Variants in SMO observed in about 807,000 individuals in gnomAD.
The protein encoded by SMO is protein smoothened.
In SMO, 40 loss-of-function variants were observed where a neutral mutation model predicts 81.6. The observed-to-expected ratio is 0.49, with a 90% CI of 0.38 to 0.64. The LOEUF (loss-of-function observed/expected upper bound fraction) is 0.64, where lower values mean the gene tolerates loss of function less well. SMO is among the 30% of genes least tolerant of loss of function. The pLI, the probability that SMO is intolerant of heterozygous loss-of-function variation, is 0.00. For synonymous variants in SMO, 434 were observed against 432.1 expected, an observed-to-expected ratio of 1.00 and a Z score of -0.05; for missense variants, 916 against 1,061.1, an observed-to-expected ratio of 0.86 and a Z score of 1.90.
intron 1 of SMO, among the ~76,000 whole-genome samples, chr7:129,196,001 T>G (rs1053338380): frequency 2.7e-5 from 4 of 149,102 alleles, no homozygotes; most frequent in African/African-American, 1.0e-4. Flanking sequence ...CTCGGGAGGC[T>G]GAGGCAGGAA....
Position 129,210,946 on chromosome 7 carries a change from C to G in SMO, c.1653-19C>G, listed in dbSNP as rs1274434459. On this transcript the variant is annotated intron_variant, in intron 9 of 11. Coordinates refer to ENST00000249373, the MANE Select transcript of SMO (RefSeq NM_005631.5). The surrounding 1 kb of genome is among the most constrained non-coding windows in gnomAD (Gnocchi z 4.7). ...GTGGCAGCTTCTTCACGCTCCTTCCCTATCCCTTCTGCTCTCAGGTTGACT... is the reference window on the plus strand; with the variant it reads ...GTGGCAGCTTCTTCACGCTCCTTCCGTATCCCTTCTGCTCTCAGGTTGACT... 2.2e-5 allele frequency: 35 copies of G among 1,588,656 alleles called. No individual in the cohort carries two copies. Among genetic ancestry groups the G allele is most frequent in the Non-Finnish European group, 2.9e-5 (34 of 1,166,692 alleles).
At position 129,210,965 on chromosome 7, in the gene SMO, G is replaced by C. The variant is rs746009867; in HGVS notation, c.1653G>C (p.Arg551Ser). ...TLLIWRRTWCRLTGQSDDEPK... is the reference protein window; with the variant it reads ...TLLIWRRTWCSLTGQSDDEPK... ...CCTTCCCTATCCCTTCTGCTCTCAG[G>C]TTGACTGGGCAGAGTGACGATGAGC... is the stretch of plus-strand genomic sequence containing the variant. Residue 551 changes from arginine to serine, a missense_variant and splice_region_variant, in exon 10 of 12, where the codon AGG (arginine) becomes AGC (serine). By Grantham distance (110) the Arg-to-Ser change is moderately radical. Transcript: ENST00000249373. The surrounding 1 kb of genome is among the most constrained non-coding windows in gnomAD (Gnocchi z 4.7). 1 of 1,604,774 alleles carries C rather than the reference G, an allele frequency of 6.2e-7. No individual in the cohort carries two copies. The highest frequency in any genetic ancestry group is 1.1e-5 in the South Asian group (1 of 89,600).
rs375862325 is a variant in SMO at position 129,210,581 on chromosome 7, C to T, written c.1652+33C>T. 7 of 1,547,004 alleles carry T rather than the reference C, an allele frequency of 4.5e-6. No homozygotes were observed. Among genetic ancestry groups the T allele is most frequent in the Admixed American group, 1.7e-5 (1 of 59,858 alleles). On this transcript the variant is annotated intron_variant, in intron 9 of 11. Coordinates refer to ENST00000249373, the MANE Select transcript of SMO (RefSeq NM_005631.5). The surrounding 1 kb of genome is among the most constrained non-coding windows in gnomAD (Gnocchi z 4.7). ...TGGCAGCCAGCCCCTCCTGCCCTGCCCGCCTCACCCTCAGCCTTGGGACCC... is the reference window on the plus strand; with the variant it reads ...TGGCAGCCAGCCCCTCCTGCCCTGCTCGCCTCACCCTCAGCCTTGGGACCC...
Position 129,205,731 on chromosome 7 carries a change from G to T in SMO, c.869G>T (p.Arg290Leu). 6.2e-7 allele frequency: 1 copy of T among 1,611,330 alleles called. No homozygotes were observed. ...GWLAQFMDGARREIVCRADGT... is the reference protein window; with the variant it reads ...GWLAQFMDGALREIVCRADGT... ...CTGGCCCAGTTCATGGATGGTGCCC[G>T]CCGAGAGATCGTCTGCCGTGCAGAT... The change falls in exon 4 of 12, where the codon CGC becomes CTC. Residue 290 changes from arginine (R) to leucine (L), a missense_variant. Around this residue, in one of 4 missense-constraint regions of SMO, gnomAD observed 436 missense variants for 570.9 expected, o/e 0.76. Coordinates refer to ENST00000249373, the MANE Select transcript of SMO (RefSeq NM_005631.5).
intron 2 of SMO, among the ~76,000 whole-genome samples, chr7:129,204,219 G>C (rs1345323317): frequency 6.6e-6 from 1 of 152,098 alleles, no homozygotes; most frequent in East Asian, 1.9e-4. Context: ...TGTAGTCCCA[G>C]CTACTCGGGA....
rs1793817264 is a variant in SMO at position 129,208,905 on chromosome 7, C to A, written c.1357+54C>A. The A allele has an allele frequency of 5.6e-6, 7 of 1,239,656 alleles. No homozygotes were observed. Among genetic ancestry groups the A allele is most frequent in the South Asian group, 1.2e-5 (1 of 81,862 alleles). The allele number at this position is 1,239,656 out of a possible 1,614,324, so 76.8% of individuals were successfully genotyped here. A position where few individuals can be genotyped will look rare whatever the true frequency, so the allele number is the denominator to read the frequency against. ...AGGTCCTGGCCAGCCCAACACTGCA[C>A]CCTCCTGGGGCTATGCGACCGGCAG... is the stretch of plus-strand genomic sequence containing the variant. On this transcript the variant is annotated intron_variant, in intron 7 of 11. Coordinates refer to ENST00000249373, the MANE Select transcript of SMO (RefSeq NM_005631.5). The surrounding 1 kb of genome is among the most constrained non-coding windows in gnomAD (Gnocchi z 5.2).
At position 129,210,563 on chromosome 7, in the gene SMO, C is replaced by G. The variant is rs201425398; in HGVS notation, c.1652+15C>G. ...ACCTGGTGCAGGTGGGCATGGCAGC[C>G]AGCCCCTCCTGCCCTGCCCGCCTCA... On this transcript the variant is annotated intron_variant, in intron 9 of 11. Coordinates refer to ENST00000249373, the MANE Select transcript of SMO (RefSeq NM_005631.5). The surrounding 1 kb of genome is among the most constrained non-coding windows in gnomAD (Gnocchi z 4.7). 1 of 1,602,854 alleles carries G rather than the reference C, an allele frequency of 6.2e-7. No individual in the cohort carries two copies. The highest frequency in any genetic ancestry group is 2.2e-5 in the East Asian group (1 of 44,820).
rs915437241 is a variant in SMO at position 129,209,253 on chromosome 7, C to A, written c.1358-36C>A. ...TCCCCACTGCTGCTGCGGGACTGGG[C>A]TTGGTAACGTCCTGTCCTGCCCCTG... is the stretch of plus-strand genomic sequence containing the variant. On this transcript the variant is annotated intron_variant, in intron 7 of 11. Coordinates refer to ENST00000249373, the MANE Select transcript of SMO (RefSeq NM_005631.5). The A allele has an allele frequency of 2.3e-6, 3 of 1,279,388 alleles. No individual in the cohort carries two copies. The African/African-American group carries it at 4.4e-5, about 19-fold the overall frequency. 79.3% of individuals were successfully genotyped at this position (1,279,388 alleles called of 1,614,324 possible). A position where few individuals can be genotyped will look rare whatever the true frequency, so the allele number is the denominator to read the frequency against.
At chr7:129,195,278 G>A (rs941713138) in intron 1 of SMO, among the ~76,000 whole-genome samples, 3 of 152,204 alleles carry the variant, frequency 2.0e-5, no homozygotes, top group Admixed American at 6.5e-5. Flanking sequence ...TTTTCAAAGT[G>A]GTTGTACTAA....
At position 129,211,526 on chromosome 7, in the gene SMO, T is replaced by A. The variant is rs1793869778; in HGVS notation, c.1802-110T>A. Reference sequence around the variant, plus strand: ...TGGTTACAGGGTGAGCTTTCTCTGGTGAGCAGGAGGGACTGGCTGTGGGAA... The same window carrying A: ...TGGTTACAGGGTGAGCTTTCTCTGGAGAGCAGGAGGGACTGGCTGTGGGAA... On this transcript the variant is annotated intron_variant, in intron 10 of 11. Coordinates refer to ENST00000249373, the MANE Select transcript of SMO (RefSeq NM_005631.5). The surrounding 1 kb of genome is among the most constrained non-coding windows in gnomAD (Gnocchi z 4.6). 1.6e-6 allele frequency: 2 copies of A among 1,219,382 alleles called. No individual in the cohort carries two copies. Among genetic ancestry groups the A allele is most frequent in the Non-Finnish European group, 2.4e-6 (2 of 835,956 alleles). 75.5% of individuals were successfully genotyped at this position (1,219,382 alleles called of 1,614,324 possible). A position where few individuals can be genotyped will look rare whatever the true frequency, so the allele number is the denominator to read the frequency against.
In SMO at chr7:129,211,397, C is replaced by A. The variant is rs1483471672; in HGVS notation, c.1802-239C>A. Reference sequence around the variant, plus strand: ...AAATTCTCCAGTTGCTCTCCCTGGGCAAGAGTAAGTCAGGGTTCCAAGAAC... The same window carrying A: ...AAATTCTCCAGTTGCTCTCCCTGGGAAAGAGTAAGTCAGGGTTCCAAGAAC... On this transcript the variant is annotated intron_variant, in intron 10 of 11. Transcript: ENST00000249373. This position sits in a 1 kb window ranked among gnomAD's most constrained non-coding sequence, Gnocchi z 4.6. 4 of 711,348 alleles carry A rather than the reference C, an allele frequency of 5.6e-6. No individual in the cohort carries two copies. The highest frequency in any genetic ancestry group is 1.0e-5 in the Non-Finnish European group (4 of 394,464). 44.1% of individuals were successfully genotyped at this position (711,348 alleles called of 1,614,324 possible). A position where few individuals can be genotyped will look rare whatever the true frequency, so the allele number is the denominator to read the frequency against.
rs542404134 is a variant in SMO at position 129,188,973 on chromosome 7, G to C, written c.-179G>C. ...ATGGGCCCCGGGTTCCAAAGTTTGC[G>C]AAGTTGGGCGCCGAGGGGCCGGGGC... On this transcript the variant is annotated 5_prime_UTR_variant, in exon 1 of 12. Coordinates refer to ENST00000249373, the MANE Select transcript of SMO (RefSeq NM_005631.5). This position sits in a 1 kb window ranked among gnomAD's most constrained non-coding sequence, Gnocchi z 4.9. 4 of 428,728 alleles carry C rather than the reference G, an allele frequency of 9.3e-6. No homozygotes were observed. Among genetic ancestry groups the C allele is most frequent in the Non-Finnish European group, 1.5e-5 (4 of 264,420 alleles). 26.6% of individuals were successfully genotyped at this position (428,728 alleles called of 1,614,324 possible).
intron 7 of SMO, 165 bp downstream of exon 7, chr7:129,209,016 G>T: frequency 1.6e-6 from 1 of 629,290 alleles, no homozygotes. Flanking sequence ...CAGCTCAAAA[G>T]AAGGGGGTCT....
At position 129,211,962 on chromosome 7, in the gene SMO, G is replaced by A. The variant is rs2150656108; in HGVS notation, c.1937-62G>A. 1 of 1,492,568 alleles carries A rather than the reference G, an allele frequency of 6.7e-7. No homozygotes were observed. The highest frequency in any genetic ancestry group is 9.0e-7 in the Non-Finnish European group (1 of 1,116,692). 92.5% of individuals were successfully genotyped at this position (1,492,568 alleles called of 1,614,324 possible). On this transcript the variant is annotated intron_variant, in intron 11 of 11. Coordinates refer to ENST00000249373, the MANE Select transcript of SMO (RefSeq NM_005631.5). This position sits in a 1 kb window ranked among gnomAD's most constrained non-coding sequence, Gnocchi z 4.6. ...AACTAACAGGTTAAGTGCTCCCAGG[G>A]GAGCGGGGGTGGCATGGACAGAGCC...
intron 8 of SMO, chr7:129,209,679 C>A (rs987033038): frequency 2.6e-6 from 1 of 390,284 alleles, no homozygotes; most frequent in Non-Finnish European, 4.7e-6. Flanking sequence ...TTCGTCTTCT[C>A]TGACTGACAC....
intron 1 of SMO, among the ~76,000 whole-genome samples, chr7:129,199,182 C>CTTTTTT (rs71526090): frequency 7.9e-5 from 10 of 126,640 alleles, no homozygotes; most frequent in African/African-American, 1.8e-4. Context: ...ATTTTCTTTT[C>CTTTTTT]TTTTTTTTTT....
rs1793444529 is a variant in SMO at position 129,189,236 on chromosome 7, G to A, written c.85G>A (p.Gly29Arg). ...LLLLLGDPGR[G>R]AASSGNATGP... is the part of the protein sequence containing the mutation. ...GCTGCTGCTGGGGGACCCGGGCCGG[G>A]GGGCGGCCTCGAGCGGGAACGCGAC... Residue 29 changes from glycine (G) to arginine (R), a missense_variant, in exon 1 of 12, where the codon GGG becomes AGG. Gly to Arg is a moderately radical substitution (Grantham distance 125). This residue lies in a region of SMO where 146 missense variants were observed against 149.9 expected (regional missense o/e 0.97). Coordinates refer to ENST00000249373, the MANE Select transcript of SMO (RefSeq NM_005631.5). The surrounding 1 kb of genome is among the most constrained non-coding windows in gnomAD (Gnocchi z 4.7). 1 of 1,198,336 alleles carries A rather than the reference G, an allele frequency of 8.3e-7. No homozygotes were observed. The highest frequency in any genetic ancestry group is 3.9e-5 in the South Asian group (1 of 25,804). 74.2% of individuals were successfully genotyped at this position (1,198,336 alleles called of 1,614,324 possible). A position where few individuals can be genotyped will look rare whatever the true frequency, so the allele number is the denominator to read the frequency against.
chr7:129,210,957 G>A lies in SMO; in HGVS notation c.1653-8G>A, dbSNP rs751825960. On this transcript the variant is annotated splice_polypyrimidine_tract_variant and splice_region_variant and intron_variant, in intron 9 of 11. Coordinates refer to ENST00000249373, the MANE Select transcript of SMO (RefSeq NM_005631.5). This position sits in a 1 kb window ranked among gnomAD's most constrained non-coding sequence, Gnocchi z 4.7. ...TTCACGCTCCTTCCCTATCCCTTCT[G>A]CTCTCAGGTTGACTGGGCAGAGTGA... 2 of 1,600,396 alleles carry A rather than the reference G, an allele frequency of 1.2e-6. No individual in the cohort carries two copies. Among genetic ancestry groups the A allele is most frequent in the African/African-American group, 2.7e-5 (2 of 74,590 alleles).
At chr7:129,205,860 G>A in intron 4 of SMO, 78 bp downstream of exon 4, 3 of 1,387,254 alleles carry the variant, frequency 2.2e-6, no homozygotes, top group South Asian at 1.2e-5. Flanking sequence ...GGGAGCAGGT[G>A]CGTGTAAAAC....
Sources: gnomAD v4.1 joint callset for allele counts (sites outside exome capture counted in the v4.1 genomes callset) on GRCh38, gnomAD v4.1.1 for gene constraint, gnomAD v4.1.1 regional missense constraint, Gnocchi (gnomAD v3.1) non-coding constraint, MANE v1.5 for transcripts, NCBI Gene and HGNC (gene_info 2026-07-23, HGNC 2026-07-21) for gene names.